Variants in NBAS observed in about 807,000 individuals in gnomAD.
The protein encoded by NBAS is NAG/BC035112 fusion.
NBAS carries 219 observed loss-of-function variants against 302.5 expected under a neutral mutation model. The observed-to-expected ratio is 0.72, with a 90% CI of 0.65 to 0.81. The LOEUF is 0.81. Among genes scored for constraint, NBAS ranks in the 30% least tolerant of loss-of-function variants. The pLI, the probability that NBAS is intolerant of heterozygous loss-of-function variation, is 0.00. For missense variants in NBAS, 2,932 were observed against 2,841.6 expected (o/e 1.03, Z -0.72); for synonymous variants, 1,118 against 1,021.6 (o/e 1.09, Z -1.80).
the NBAS span, among the ~76,000 whole-genome samples, chr2:15,046,612 T>C: frequency 6.6e-6 from 1 of 152,212 alleles, no homozygotes; most frequent in Non-Finnish European, 1.5e-5. Flanking sequence ...TTATTTTATA[T>C]ATTTTTTTGC....
chr2:15,328,066 T>G, intron 37 of NBAS, 133 bp downstream of exon 37: 1 of 1,174,290 alleles, frequency 8.5e-7, no homozygotes, highest in Non-Finnish European at 1.2e-6. Context: ...ACCAAAAAAA[T>G]GTAAAAACCA....
At chr2:15,489,102 G>A (rs966013747) in intron 11 of NBAS, 80 bp from the exon 12 acceptor site, 21 of 1,475,134 alleles carry the variant, frequency 1.4e-5, no homozygotes, top group Middle Eastern at 3.5e-4. Flanking sequence ...ACTCTTTAGA[G>A]GTGCCAAGTT....
rs1201473212 is a variant in NBAS, at chr2:15,469,893, G to A, written c.1726-1360C>T. On this transcript the variant is annotated intron_variant, in intron 16 of 51. Coordinates refer to ENST00000281513, the MANE Select transcript of NBAS (RefSeq NM_015909.4). ...AGGAGATATGCCTAATGTAAATGAC[G>A]AGTTAATGGGTGCAGCACACCACCA... Among the ~76,000 whole-genome samples the A allele has an allele frequency of 6.6e-5, 10 of 151,362 alleles. 1 individual carries two copies. Among genetic ancestry groups the A allele is most frequent in the East Asian group, 5.9e-4 (3 of 5,120 alleles).
the NBAS span, among the ~76,000 whole-genome samples, chr2:14,820,082 AC>A: frequency 6.6e-6 from 1 of 152,196 alleles, no homozygotes; most frequent in Non-Finnish European, 1.5e-5. Context: ...AATTAGTACA[AC>A]CACTATGGAG....
chr2:15,127,910 G>A, the NBAS span, among the ~76,000 whole-genome samples: 1 of 152,076 alleles, frequency 6.6e-6, no homozygotes, highest in African/African-American at 2.4e-5. Context: ...AGGGCGACTC[G>A]ATGAGGTATT....
At chr2:15,124,574 C>A in the NBAS span, among the ~76,000 whole-genome samples, 1 of 152,166 alleles carries the variant, frequency 6.6e-6, no homozygotes, top group Admixed American at 6.5e-5. Context: ...TCTAACACAG[C>A]TCCTCCCATC....
the NBAS span, among the ~76,000 whole-genome samples, chr2:14,847,382 TAAAA>T: frequency 2.6e-4 from 14 of 53,172 alleles, no homozygotes; most frequent in African/African-American, 8.1e-4. Context: ...GACTCTATCT[TAAAA>T]AAAAAAAAAA....
the NBAS span, among the ~76,000 whole-genome samples, chr2:15,086,546 G>A: frequency 1.3e-5 from 2 of 152,182 alleles, no homozygotes; most frequent in Admixed American, 6.5e-5. Context: ...GCCCCTTGGG[G>A]AGCCCAGACC....
the NBAS span, among the ~76,000 whole-genome samples, chr2:14,981,257 G>GA: frequency 3.7e-3 from 558 of 152,118 alleles, 6 homozygotes; most frequent in African/African-American, 0.013. Context: ...TCTGCAGAGA[G>GA]AAAAAAACAA....
chr2:14,990,456 T>A, the NBAS span, among the ~76,000 whole-genome samples: 1 of 151,938 alleles, frequency 6.6e-6, no homozygotes, highest in Non-Finnish European at 1.5e-5. Flanking sequence ...GCAAGAATAC[T>A]TTTTATGCCA....
the NBAS span, among the ~76,000 whole-genome samples, chr2:14,833,676 C>T: frequency 6.6e-6 from 1 of 151,178 alleles, no homozygotes; most frequent in Non-Finnish European, 1.5e-5. Flanking sequence ...GTGCGTATTA[C>T]AATTCTTAAG....
At chr2:15,249,010 C>CAAA (rs1232404963) in intron 44 of NBAS, among the ~76,000 whole-genome samples, 1 of 151,592 alleles carries the variant, frequency 6.6e-6, no homozygotes, top group Non-Finnish European at 1.5e-5. Flanking sequence ...ACAACAACAA[C>CAAA]AAAAAGAAAA....
At chr2:15,322,454 C>T (rs1303448597) in intron 38 of NBAS, among the ~76,000 whole-genome samples, 7 of 151,982 alleles carry the variant, frequency 4.6e-5, no homozygotes, top group Non-Finnish European at 1.0e-4. Context: ...CCTTCAAGCG[C>T]TAATTCTGTG....
At chr2:15,289,895 G>A (rs1670224453) in intron 41 of NBAS, among the ~76,000 whole-genome samples, 1 of 152,156 alleles carries the variant, frequency 6.6e-6, no homozygotes, top group African/African-American at 2.4e-5. Context: ...TACTCGAGAG[G>A]TTGAGGCAGG....
intron 21 of NBAS, among the ~76,000 whole-genome samples, chr2:15,458,063 T>A (rs925893792): frequency 6.6e-6 from 1 of 152,200 alleles, no homozygotes; most frequent in Non-Finnish European, 1.5e-5. Context: ...ATACTCACTA[T>A]ACAAGCGCCG....
rs114760410 is a variant in NBAS at position 15,369,444 on chromosome 2, A to G, written c.3704-2751T>C. Among the ~76,000 whole-genome samples, 446 of 152,362 alleles carry G rather than the reference A, an allele frequency of 2.9e-3. 1 individual carries two copies. Among genetic ancestry groups the G allele is most frequent in the African/African-American group, 0.01 (417 of 41,592 alleles). On this transcript the variant is annotated intron_variant, in intron 31 of 51. Transcript: ENST00000281513. Reference sequence around the variant, plus strand: ...GATGCACACTACTAATATTTGAAGTACATTAAATAAATTTGGAGAGCAGAA... The same window carrying G: ...GATGCACACTACTAATATTTGAAGTGCATTAAATAAATTTGGAGAGCAGAA...
chr2:15,456,291 G>A (rs1679244609), intron 21 of NBAS, among the ~76,000 whole-genome samples: 1 of 152,176 alleles, frequency 6.6e-6, no homozygotes, highest in Non-Finnish European at 1.5e-5. Context: ...ATCAAATGTT[G>A]GTTAAATGCC....
the NBAS span, among the ~76,000 whole-genome samples, chr2:15,107,112 G>A: frequency 1.3e-5 from 2 of 152,074 alleles, no homozygotes; most frequent in Non-Finnish European, 2.9e-5. Flanking sequence ...ATATACCCCA[G>A]TGTGACTGTA....
chr2:14,835,839 T>G, the NBAS span, among the ~76,000 whole-genome samples: 1 of 151,980 alleles, frequency 6.6e-6, no homozygotes, highest in African/African-American at 2.4e-5. Flanking sequence ...GGAATGAAAT[T>G]GCTAGGTTAA....
Sources: gnomAD v4.1 joint callset for allele counts (sites outside exome capture counted in the v4.1 genomes callset) on GRCh38, gnomAD v4.1.1 for gene constraint, MANE v1.5 for transcripts, NCBI Gene and HGNC (gene_info 2026-07-23, HGNC 2026-07-21) for gene names.